The following KANK1 variants were observed in gnomAD, a reference collection of about 807,000 sequenced individuals.
KANK1 encodes KN motif and ankyrin repeat domains 1, also known as KN motif and ankyrin repeat domain-containing protein 1.
In KANK1, 109 loss-of-function variants were observed where a neutral mutation model predicts 106.2. The ratio of observed to expected loss-of-function variants is 1.03; its 90% CI spans 0.88 to 1.20. KANK1 has a LOEUF of 1.20. Ranked by LOEUF, KANK1 falls within the 50% of genes most tolerant of loss-of-function variation. KANK1 has a pLI of 0.00. For missense variants in KANK1, 2,399 were observed against 1,710.7 expected (o/e 1.40, Z -7.10); for synonymous variants, 873 against 652.2 (o/e 1.34, Z -5.16).
intron 1 of KANK1, among the ~76,000 whole-genome samples, chr9:667,512 T>C (rs1032605099): frequency 2.6e-4 from 40 of 152,124 alleles, no homozygotes; most frequent in African/African-American, 9.4e-4. Context: ...AGTCCATTAT[T>C]AGGTTGTCTT....
chr9:698,572 T>G (rs956290324), intron 2 of KANK1, among the ~76,000 whole-genome samples: 1 of 152,150 alleles, frequency 6.6e-6, no homozygotes, highest in African/African-American at 2.4e-5. Context: ...CCAGAGTAGC[T>G]GGAATTTGTC....
chr9:594,764 T>C (rs1332608524), intron 1 of KANK1, among the ~76,000 whole-genome samples: 1 of 151,842 alleles, frequency 6.6e-6, no homozygotes, highest in East Asian at 1.9e-4. Context: ...TTAATAATTT[T>C]TAATAATGAC....
At chr9:740,688 A>G (rs1308891215) in intron 8 of KANK1, 104 bp from the exon 9 acceptor site, 3 of 1,268,002 alleles carry the variant, frequency 2.4e-6, no homozygotes, top group South Asian at 2.9e-5. Context: ...ACCTGGTACC[A>G]TTTCACTGGG....
chr9:658,453 G>A (rs1842612952), intron 1 of KANK1, among the ~76,000 whole-genome samples: 1 of 151,474 alleles, frequency 6.6e-6, no homozygotes, highest in Admixed American at 6.6e-5. Context: ...CTGGCCCCGA[G>A]CCTCCAGACC....
chr9:593,134 T>G lies in KANK1; in HGVS notation c.-83-83756T>G, dbSNP rs374804334. Among the ~76,000 whole-genome samples the G allele has an allele frequency of 7.9e-5, 12 of 151,962 alleles. No homozygotes were observed. In the East Asian group the frequency reaches 1.5e-3, roughly 20 times the overall value. ...TGTTGGAACCTGGAAATTTGAACATTCCAGTGACTACCTTTCCTAACTGCC... is the reference window on the plus strand; with the variant it reads ...TGTTGGAACCTGGAAATTTGAACATGCCAGTGACTACCTTTCCTAACTGCC... On this transcript the variant is annotated intron_variant, in intron 1 of 11. Coordinates refer to ENST00000382297, the MANE Select transcript of KANK1 (RefSeq NM_015158.5).
chr9:635,047 AGTCACATG>A (rs902376296), intron 1 of KANK1, among the ~76,000 whole-genome samples: 9 of 152,290 alleles, frequency 5.9e-5, no homozygotes, highest in African/African-American at 2.2e-4. Flanking sequence ...ACCAAAAATG[AGTCACATG>A]GTCCTTTACA....
intron 1 of KANK1, among the ~76,000 whole-genome samples, chr9:515,709 A>G (rs1379134867): frequency 6.6e-6 from 1 of 151,862 alleles, no homozygotes; most frequent in Admixed American, 6.5e-5. Context: ...TTCCACATAA[A>G]TGTAAAAGAA....
At chr9:518,234 C>T (rs1563704375) in intron 1 of KANK1, among the ~76,000 whole-genome samples, 1 of 151,792 alleles carries the variant, frequency 6.6e-6, no homozygotes, top group Non-Finnish European at 1.5e-5. Flanking sequence ...AACCTCTGAC[C>T]TCACATCCAG....
chr9:535,706 A>T (rs952187268), intron 1 of KANK1, among the ~76,000 whole-genome samples: 2 of 152,206 alleles, frequency 1.3e-5, no homozygotes, highest in East Asian at 3.8e-4. Flanking sequence ...GTAGGCAGCA[A>T]ATGGGCTGTA....
rs190843550 is a variant in KANK1, at chr9:576,702, T to G, written c.-84+71948T>G. Among the ~76,000 whole-genome samples, 659 of 152,274 alleles carry G rather than the reference T, an allele frequency of 4.3e-3. 21 individuals are homozygous for G. The highest frequency in any genetic ancestry group is 7.6e-4 in the Non-Finnish European group (52 of 68,006). ...GAAAGCTTCATCTTGAACTTGGTGC[T>G]TCTTCCTGGAACAGTAATTTTATTT... On this transcript the variant is annotated intron_variant, in intron 1 of 11. Transcript: ENST00000382297.
intron 8 of KANK1, 102 bp downstream of exon 8, chr9:738,606 T>TA: frequency 1.1e-6 from 1 of 886,374 alleles, no homozygotes. Flanking sequence ...CTGACCATGC[T>TA]AAAATCCTTT....
chr9:498,327 A>G (rs1037877398), intron 3 of KANK1, among the ~76,000 whole-genome samples: 1 of 152,220 alleles, frequency 6.6e-6, no homozygotes, highest in Non-Finnish European at 1.5e-5. Flanking sequence ...CTCTTTAACT[A>G]CAAAGCTTGT....
intron 10 of KANK1, among the ~76,000 whole-genome samples, chr9:744,148 T>C (rs903900333): frequency 1.3e-4 from 19 of 151,942 alleles, no homozygotes; most frequent in Non-Finnish European, 2.6e-4. Context: ...TTGCAGAGTC[T>C]CTAAACACAC....
chr9:545,133 A>G (rs571963762), intron 1 of KANK1, among the ~76,000 whole-genome samples: 2 of 150,350 alleles, frequency 1.3e-5, no homozygotes, highest in East Asian at 4.5e-4. Context: ...GACTTCTGGG[A>G]GGATCTGGCT....
chr9:573,763 C>A (rs1004183507), intron 1 of KANK1, among the ~76,000 whole-genome samples: 14 of 151,806 alleles, frequency 9.2e-5, no homozygotes, highest in Non-Finnish European at 1.9e-4. Context: ...TTTCGAAATC[C>A]TGAGTGAAAA....
chr9:607,935 A>T (rs1032945371), intron 1 of KANK1, among the ~76,000 whole-genome samples: 1 of 150,872 alleles, frequency 6.6e-6, no homozygotes, highest in Non-Finnish European at 1.5e-5. Context: ...CCTTGTGAAC[A>T]TCTCTCTGTG....
At chr9:666,293 G>C (rs1472800230) in intron 1 of KANK1, among the ~76,000 whole-genome samples, 2 of 152,074 alleles carry the variant, frequency 1.3e-5, no homozygotes, top group African/African-American at 4.8e-5. Flanking sequence ...AAATGCTACT[G>C]AATTTTGTAT....
chr9:678,545 A>G (rs992420842), intron 2 of KANK1, among the ~76,000 whole-genome samples: 2 of 152,064 alleles, frequency 1.3e-5, no homozygotes, highest in Non-Finnish European at 2.9e-5. Flanking sequence ...CCTGGCCAAC[A>G]TGACGAAACC....
chr9:652,052 C>A (rs543830711), intron 1 of KANK1, among the ~76,000 whole-genome samples: 1 of 152,214 alleles, frequency 6.6e-6, no homozygotes, highest in African/African-American at 2.4e-5. Flanking sequence ...TAAATTAATA[C>A]CTGCTTTTTG....
Sources: allele counts gnomAD v4.1 joint callset (sites outside exome capture counted in the v4.1 genomes callset), GRCh38; gene constraint gnomAD v4.1.1; transcripts MANE v1.5; gene names NCBI Gene and HGNC (gene_info 2026-07-23, HGNC 2026-07-21).